COL4A5: variants seen among roughly 807,000 people sequenced by gnomAD.
COL4A5 encodes collagen alpha-5(IV) chain.
In COL4A5, 26 loss-of-function variants were observed where a neutral mutation model predicts 130.2. That is an observed-to-expected ratio of 0.20 (90% CI 0.15 to 0.28). The LOEUF is 0.28. COL4A5 is among the 10% of genes least tolerant of loss of function. COL4A5 has a pLI of 1.00. For synonymous variants in COL4A5, 496 were observed against 439.6 expected (o/e 1.13, Z -1.60); for missense variants, 1,131 against 1,344.3 (o/e 0.84, Z 2.48).
In COL4A5 at chrX:108,662,337, T is replaced by A. The variant is rs985546247; in HGVS notation, c.3374-3170T>A. On this transcript the variant is annotated intron_variant, in intron 37 of 52. Coordinates refer to ENST00000328300, the MANE Select transcript of COL4A5 (RefSeq NM_033380.3). ...TCATTTAGTGTTTCTTATAGTGAAG[T>A]CTGTTGGCAACAAATTGTCTTAGCT... is the stretch of plus-strand genomic sequence containing the variant. Among the ~76,000 whole-genome samples the A allele has an allele frequency of 2.7e-5, 3 of 110,803 alleles. No homozygotes were observed. In the Admixed American group the frequency reaches 2.9e-4, roughly 11 times the overall value.
intron 2 of COL4A5, among the ~76,000 whole-genome samples, chrX:108,543,208 C>T (rs1386681365): frequency 4.5e-5 from 5 of 110,603 alleles, no homozygotes; most frequent in Admixed American, 1.9e-4. Context: ...ATGGTATTGC[C>T]TAGGTTTTCT....
chrX:108,691,928 G>T (rs1017509077), intron 49 of COL4A5, among the ~76,000 whole-genome samples: 2 of 111,600 alleles, frequency 1.8e-5, no homozygotes, highest in Non-Finnish European at 3.8e-5. Context: ...CAAATTCCCA[G>T]TCCCTGCTAT....
chrX:108,672,007 A>G (rs1474987644), intron 42 of COL4A5, among the ~76,000 whole-genome samples: 1 of 111,499 alleles, frequency 9.0e-6, no homozygotes, highest in Admixed American at 9.6e-5. Context: ...CATAACTGGG[A>G]CTCTGACTTA....
At chrX:108,613,135 A>G (rs2147846299) in intron 29 of COL4A5, among the ~76,000 whole-genome samples, 1 of 112,401 alleles carries the variant, frequency 8.9e-6, no homozygotes, top group Middle Eastern at 4.6e-3. Flanking sequence ...TTAACTCCCA[A>G]TGGATCACAG....
At chrX:108,621,055 TTTTC>T (rs758483011) in intron 31 of COL4A5, among the ~76,000 whole-genome samples, 16 of 110,348 alleles carry the variant, frequency 1.4e-4, no homozygotes, top group Admixed American at 2.9e-4. Context: ...TTTCTTTCTC[TTTTC>T]TTTCTTTCTT....
intron 8 of COL4A5, among the ~76,000 whole-genome samples, chrX:108,572,218 A>G (rs2066075892): frequency 9.0e-6 from 1 of 111,305 alleles, no homozygotes; most frequent in East Asian, 2.8e-4. Context: ...ATGTAAGGTC[A>G]TTATTTTATG....
rs140324660 is a variant in COL4A5, at chrX:108,460,128, G to C, written c.81+19922G>C. 6.0e-3 allele frequency among the ~76,000 whole-genome samples: 666 copies of C among 111,615 alleles called. 2 individuals carry two copies. The highest frequency in any genetic ancestry group is 0.037 in the East Asian group (132 of 3,550). ...TTTGAGTTAATTTAGTTTCAGGAAG[G>C]CTTCTGAAATAGGAAGCATTTATTC... On this transcript the variant is annotated intron_variant, in intron 1 of 52. Transcript: ENST00000328300.
At chrX:108,590,314 C>T (rs2066410920) in intron 19 of COL4A5, among the ~76,000 whole-genome samples, 4 of 111,362 alleles carry the variant, frequency 3.6e-5, no homozygotes, top group African/African-American at 1.3e-4. Context: ...AAAAAATACA[C>T]TTCACAATAG....
chrX:108,680,803 A>G, intron 45 of COL4A5, 52 bp downstream of exon 45: 1 of 1,184,642 alleles, frequency 8.4e-7, no homozygotes, highest in Non-Finnish European at 1.1e-6. Flanking sequence ...CCTCTGGGAC[A>G]AGATAGCCAT....
intron 29 of COL4A5, among the ~76,000 whole-genome samples, chrX:108,611,189 G>A (rs1177023408): frequency 9.0e-6 from 1 of 110,816 alleles, no homozygotes; most frequent in Non-Finnish European, 1.9e-5. Context: ...AAATTAATAA[G>A]GCTAATACTC....
At chrX:108,540,854 T>G (rs1010233618) in intron 2 of COL4A5, among the ~76,000 whole-genome samples, 1 of 112,327 alleles carries the variant, frequency 8.9e-6, no homozygotes, top group Non-Finnish European at 1.9e-5. Flanking sequence ...TCACTATCAG[T>G]GAATGACATT....
intron 29 of COL4A5, among the ~76,000 whole-genome samples, chrX:108,609,193 A>G (rs760172120): frequency 1.8e-5 from 2 of 112,105 alleles, no homozygotes; most frequent in Admixed American, 1.9e-4. Flanking sequence ...GCTTAGTTGT[A>G]CTAGAAACTA....
chrX:108,580,638 A>T, intron 14 of COL4A5, 44 bp from the exon 15 acceptor site: 2 of 1,197,757 alleles, frequency 1.7e-6, no homozygotes, highest in African/African-American at 1.7e-5. Context: ...GTATTGGTAC[A>T]CAGTATCCCA....
intron 21 of COL4A5, among the ~76,000 whole-genome samples, chrX:108,593,978 T>A (rs1052295157): frequency 2.7e-5 from 3 of 112,104 alleles, no homozygotes; most frequent in African/African-American, 9.7e-5. Flanking sequence ...TACCACCTAA[T>A]TGCCCATGAC....
At chrX:108,510,435 A>G (rs1238410132) in intron 1 of COL4A5, among the ~76,000 whole-genome samples, 1 of 111,606 alleles carries the variant, frequency 9.0e-6, no homozygotes, top group Admixed American at 9.5e-5. Flanking sequence ...CTTCTGGTTA[A>G]CTTTTTTTTT....
intron 36 of COL4A5, chrX:108,626,603 A>G: frequency 8.2e-6 from 9 of 1,092,569 alleles, no homozygotes; most frequent in Non-Finnish European, 1.1e-5. Flanking sequence ...ATATACTTCA[A>G]TAATCTCAAT....
At position 108,628,560 on chromosome X, in the gene COL4A5, A is replaced by C. The variant is rs749861703; in HGVS notation, c.3246+2211A>C. ...TTTTTAACTCTTTCGTAAATTGTCT[A>C]TTTATACTCTTTGCCTCACTGTTTT... On this transcript the variant is annotated intron_variant, in intron 36 of 52. Transcript: ENST00000328300. Among the ~76,000 whole-genome samples the C allele has an allele frequency of 1.3e-4, 14 of 111,592 alleles. No homozygotes were observed. The South Asian group carries it at 1.5e-3, about 12-fold the overall frequency.
At chrX:108,663,236 A>G (rs1295134756) in intron 37 of COL4A5, among the ~76,000 whole-genome samples, 1 of 111,928 alleles carries the variant, frequency 8.9e-6, no homozygotes, top group African/African-American at 3.3e-5. Context: ...GTATTCTGTC[A>G]AGTTTTAAAT....
rs1038297597 is a variant in COL4A5, at chrX:108,539,596, A to T, written c.82-150A>T. The T allele has an allele frequency of 7.9e-6, 4 of 508,271 alleles. No homozygotes were observed. In the Admixed American group the frequency reaches 1.1e-4, roughly 14 times the overall value. The allele number at this position is 508,271 out of a possible 1,213,427, so 41.9% of individuals were successfully genotyped here. A position where few individuals can be genotyped will look rare whatever the true frequency, so the allele number is the denominator to read the frequency against. On this transcript the variant is annotated intron_variant, in intron 1 of 52. Coordinates refer to ENST00000328300, the MANE Select transcript of COL4A5 (RefSeq NM_033380.3). ...AAAGGTGCAAGCTTCCTGAGAGGTA[A>T]CTGTTATTTGCAATTTCGTATATCT...
Sources: allele counts gnomAD v4.1 joint callset (sites outside exome capture counted in the v4.1 genomes callset), GRCh38; gene constraint gnomAD v4.1.1; transcripts MANE v1.5; gene names NCBI Gene and HGNC (gene_info 2026-07-23, HGNC 2026-07-21).